Variants in IQCK observed in about 807,000 individuals in gnomAD.
IQCK encodes IQ motif containing K.
Under a neutral mutation model 28.1 loss-of-function variants are expected in IQCK, and 29 were observed. The ratio of observed to expected loss-of-function variants is 1.03; its 90% CI spans 0.77 to 1.41. The LOEUF (loss-of-function observed/expected upper bound fraction) is 1.41, where lower values mean the gene tolerates loss of function less well. IQCK is among the 40% of genes most tolerant of loss of function. IQCK has a pLI of 0.00. For synonymous variants in IQCK, 113 were observed against 115.1 expected, an observed-to-expected ratio of 0.98 and a Z score of 0.12; for missense variants, 359 against 314.7, an observed-to-expected ratio of 1.14 and a Z score of -1.07.
chr16:19,811,438 A>G (rs1448719350), intron 7 of IQCK, among the ~76,000 whole-genome samples: 1 of 152,194 alleles, frequency 6.6e-6, no homozygotes, highest in East Asian at 1.9e-4. Context: ...AGTTGGATGA[A>G]CTTTATCTGA....
intron 4 of IQCK, among the ~76,000 whole-genome samples, chr16:19,757,721 G>T (rs889064477): frequency 6.6e-6 from 1 of 151,898 alleles, no homozygotes; most frequent in Admixed American, 6.6e-5. Context: ...CTTTTATGAT[G>T]GTATTTTCCT....
At chr16:19,733,071 G>A (rs562616913) in intron 2 of IQCK, among the ~76,000 whole-genome samples, 1 of 152,248 alleles carries the variant, frequency 6.6e-6, no homozygotes, top group South Asian at 2.1e-4. Flanking sequence ...CTGATGGGTG[G>A]ATGGACATCT....
At chr16:19,827,232 C>T (rs891299761), downstream of IQCK, 1 of 832,056 alleles carries the variant, frequency 1.2e-6, no homozygotes, top group Admixed American at 2.1e-5. Flanking sequence ...TTTGTAAGGT[C>T]CTTGTCTGCA....
intron 9 of IQCK, among the ~76,000 whole-genome samples, chr16:19,850,518 T>C (rs1203295089): frequency 6.6e-6 from 1 of 152,166 alleles, no homozygotes; most frequent in African/African-American, 2.4e-5. Flanking sequence ...ATTGCTGATT[T>C]GGGAGCGTGA....
intron 4 of IQCK, among the ~76,000 whole-genome samples, chr16:19,746,535 C>T (rs1417859197): frequency 2.0e-5 from 3 of 152,238 alleles, no homozygotes; most frequent in South Asian, 2.1e-4. Flanking sequence ...TTAGAATTGC[C>T]GTCAGATCTA....
At chr16:19,740,648 C>T (rs972128136) in intron 4 of IQCK, among the ~76,000 whole-genome samples, 1 of 152,098 alleles carries the variant, frequency 6.6e-6, no homozygotes, top group Non-Finnish European at 1.5e-5. Flanking sequence ...GAAATGAGCA[C>T]AGTGGAATAA....
chr16:19,730,727 G>T (rs78731084), intron 2 of IQCK, among the ~76,000 whole-genome samples: 1 of 92,404 alleles, frequency 1.1e-5, no homozygotes, highest in African/African-American at 8.4e-5. Context: ...CTATCTATCT[G>T]TCTGTCTGTC....
intron 1 of IQCK, among the ~76,000 whole-genome samples, chr16:19,727,195 G>A (rs7200976): frequency 0.052 from 7,818 of 151,732 alleles, 663 homozygotes; most frequent in African/African-American, 0.18. Context: ...TTCAAATAAG[G>A]CAAAAACTAA....
At chr16:19,828,605 G>A (rs1445454500), downstream of IQCK, among the ~76,000 whole-genome samples, 1 of 151,576 alleles carries the variant, frequency 6.6e-6, no homozygotes, top group Admixed American at 6.6e-5. Flanking sequence ...AAAAAAATAT[G>A]CATGGCCTGT....
At chr16:19,849,490 G>A (rs770940069) in intron 9 of IQCK, among the ~76,000 whole-genome samples, 12 of 151,574 alleles carry the variant, frequency 7.9e-5, no homozygotes, top group East Asian at 3.9e-4. Context: ...GGCTGGGTGC[G>A]GTGGCTCATA....
At chr16:19,749,043 C>T (rs539133464) in intron 4 of IQCK, among the ~76,000 whole-genome samples, 1 of 152,290 alleles carries the variant, frequency 6.6e-6, no homozygotes, top group South Asian at 2.1e-4. Context: ...CATTGACTCT[C>T]TTGGTTGTTT....
chr16:19,771,078 G>A (rs141842724), intron 6 of IQCK, among the ~76,000 whole-genome samples: 1 of 152,130 alleles, frequency 6.6e-6, no homozygotes, highest in African/African-American at 2.4e-5. Context: ...AATATTCACA[G>A]GTTCTGGGAA....
chr16:19,729,265 G>C (rs1597497886), intron 1 of IQCK, among the ~76,000 whole-genome samples: 1 of 152,266 alleles, frequency 6.6e-6, no homozygotes, highest in East Asian at 1.9e-4. Context: ...CCGGCGCCAT[G>C]CCTGGCTAAT....
intron 1 of IQCK, among the ~76,000 whole-genome samples, chr16:19,723,300 C>G (rs1008366772): frequency 6.6e-6 from 1 of 152,196 alleles, no homozygotes; most frequent in Admixed American, 6.5e-5. Flanking sequence ...ATTTTCATAG[C>G]TTACAGATAA....
At chr16:19,813,072 A>G (rs776498190) in intron 7 of IQCK, among the ~76,000 whole-genome samples, 17 of 152,248 alleles carry the variant, frequency 1.1e-4, no homozygotes, top group Non-Finnish European at 4.4e-5. Context: ...TTTCTGATCC[A>G]TGGACCATAT....
chr16:19,748,052 C>G (rs1252291902), intron 4 of IQCK, among the ~76,000 whole-genome samples: 1 of 148,650 alleles, frequency 6.7e-6, no homozygotes, highest in African/African-American at 2.5e-5. Flanking sequence ...TTCTGGAGTT[C>G]AACCATCTGG....
intron 9 of IQCK, among the ~76,000 whole-genome samples, chr16:19,832,913 G>A (rs2056251114): frequency 6.6e-6 from 1 of 152,018 alleles, no homozygotes; most frequent in Non-Finnish European, 1.5e-5. Flanking sequence ...AACAGTATGG[G>A]GGAAACCTCC....
At chr16:19,748,300 T>C (rs4782280) in intron 4 of IQCK, among the ~76,000 whole-genome samples, 51,883 of 151,786 alleles carry the variant, frequency 0.34, 13,864 homozygotes, top group African/African-American at 0.75. Context: ...GTCTGAAACT[T>C]CTGACTTTAG....
chr16:19,727,589 C>T (rs1027251393), intron 1 of IQCK, among the ~76,000 whole-genome samples: 1 of 145,482 alleles, frequency 6.9e-6, no homozygotes, highest in African/African-American at 2.7e-5. Flanking sequence ...TTTGTCACCC[C>T]CCCCCCCCAA....
Sources: gnomAD v4.1 joint callset for allele counts (sites outside exome capture counted in the v4.1 genomes callset) on GRCh38, gnomAD v4.1.1 for gene constraint, MANE v1.5 for transcripts, NCBI Gene and HGNC (gene_info 2026-07-23, HGNC 2026-07-21) for gene names.